The following OTULINL variants were observed in gnomAD, a reference collection of about 807,000 sequenced individuals.
OTULINL encodes the protein inactive ubiquitin thioesterase OTULINL.
A neutral mutation model predicts 43.9 loss-of-function variants in OTULINL; 42 were observed. The ratio of observed to expected loss-of-function variants is 0.96; its 90% CI spans 0.75 to 1.24. The LOEUF is 1.24. Ranked by LOEUF, OTULINL falls within the 50% of genes most tolerant of loss-of-function variation. OTULINL has a pLI of 0.00. For synonymous variants in OTULINL, 172 were observed against 153.6 expected, an observed-to-expected ratio of 1.12 and a Z score of -0.88; for missense variants, 411 against 426.4, an observed-to-expected ratio of 0.96 and a Z score of 0.32.
intron 5 of OTULINL, among the ~76,000 whole-genome samples, chr5:14,602,696 A>C (rs764151907): frequency 3.9e-5 from 6 of 152,072 alleles, no homozygotes; most frequent in Non-Finnish European, 5.9e-5. Context: ...TCCTCCTCCT[A>C]GAGTGCTTGG....
intron 1 of OTULINL, among the ~76,000 whole-genome samples, chr5:14,594,750 C>T (rs371502033): frequency 3.9e-4 from 59 of 152,282 alleles, no homozygotes; most frequent in African/African-American, 1.4e-3. Context: ...GACCTAAAAG[C>T]CATATTCACC....
intron 6 of OTULINL, 97 bp downstream of exon 6, chr5:14,607,555 A>G: frequency 2.0e-6 from 3 of 1,463,784 alleles, no homozygotes; most frequent in Non-Finnish European, 2.8e-6. Flanking sequence ...GCTTCATGTT[A>G]GGAAAGTAAG....
chr5:14,590,545 G>A (rs1759182358), intron 1 of OTULINL, among the ~76,000 whole-genome samples: 1 of 152,190 alleles, frequency 6.6e-6, no homozygotes, highest in Non-Finnish European at 1.5e-5. Context: ...AAAGGTATAT[G>A]AGTCCATGAT....
chr5:14,586,805 G>T (rs1219250063), intron 1 of OTULINL, among the ~76,000 whole-genome samples: 1 of 151,982 alleles, frequency 6.6e-6, no homozygotes, highest in African/African-American at 2.4e-5. Context: ...GTAGTTGGAA[G>T]TCATTCTCAA....
intron 1 of OTULINL, among the ~76,000 whole-genome samples, chr5:14,594,867 C>T (rs1302370011): frequency 6.6e-6 from 1 of 152,004 alleles, no homozygotes; most frequent in Non-Finnish European, 1.5e-5. Flanking sequence ...CCCCATCTTC[C>T]TACCTCTCTT....
rs757463065 is a variant in OTULINL, at chr5:14,607,440, G to A, written c.609G>A (p.Val203=). The change falls in exon 6 of 8, where the codon GTG becomes GTA. Residue 203 remains valine, a synonymous_variant. Transcript: ENST00000274217. ...TGTTTGGAAAACTACGGAAATATGT[G>A]GAATTATTGAAAACACAGGTAAGTG... ...SNVFGKLRKY[V]ELLKTQWTEF... 2 of 1,613,908 alleles carry A rather than the reference G, an allele frequency of 1.2e-6. No individual in the cohort carries two copies. The highest frequency in any genetic ancestry group is 4.5e-5 in the East Asian group (2 of 44,852).
In OTULINL at chr5:14,585,057, C is replaced by T. The variant is rs189243513; in HGVS notation, c.64+3099C>T. Among the ~76,000 whole-genome samples, 5 of 152,168 alleles carry T rather than the reference C, an allele frequency of 3.3e-5. No individual in the cohort carries two copies. The East Asian group carries it at 5.8e-4, about 18-fold the overall frequency. ...GCAAACATTCCCTCCGCATGCACTG[C>T]CAAAAGTGTGCTGAGAATCGTGACC... On this transcript the variant is annotated intron_variant, in intron 1 of 7. Transcript: ENST00000274217.
rs927863479 is a variant in OTULINL at position 14,610,396 on chromosome 5, G to A, written c.*82G>A. ...AAGTCTCTCTCTGAAACCAAAGCTA[G>A]CATTTCAGCATGGAAGGAATTAGGA... On this transcript the variant is annotated 3_prime_UTR_variant, in exon 8 of 8. Coordinates refer to ENST00000274217, the MANE Select transcript of OTULINL (RefSeq NM_019018.3). The A allele has an allele frequency of 4.5e-5, 64 of 1,417,668 alleles. No individual in the cohort carries two copies. The highest frequency in any genetic ancestry group is 5.7e-5 in the Non-Finnish European group (59 of 1,026,246). 87.8% of individuals were successfully genotyped at this position (1,417,668 alleles called of 1,614,324 possible). A position where few individuals can be genotyped will look rare whatever the true frequency, so the allele number is the denominator to read the frequency against.
rs370785814 is a variant in OTULINL at position 14,587,165 on chromosome 5, G to A, written c.64+5207G>A. Among the ~76,000 whole-genome samples the A allele has an allele frequency of 5.3e-5, 8 of 152,274 alleles. No homozygotes were observed. The South Asian group carries it at 6.2e-4, about 12-fold the overall frequency. ...CTTCTTGCCTGGTAATGAGAGAATC[G>A]GTCCCTAGGTCTTAGAATAACACCT... On this transcript the variant is annotated intron_variant, in intron 1 of 7. Coordinates refer to ENST00000274217, the MANE Select transcript of OTULINL (RefSeq NM_019018.3).
rs750090519 is a variant in OTULINL at position 14,609,001 on chromosome 5, C to A, written c.881C>A (p.Thr294Lys). The A allele has an allele frequency of 4.3e-6, 7 of 1,612,418 alleles. No homozygotes were observed. The African/African-American group carries it at 9.4e-5, about 22-fold the overall frequency. The change falls in exon 7 of 8, where the codon ACA becomes AAA. Residue 294 changes from threonine (T) to lysine (K), a missense_variant. Thr to Lys is a moderately conservative substitution (Grantham distance 78, BLOSUM62 -1). Coordinates refer to ENST00000274217, the MANE Select transcript of OTULINL (RefSeq NM_019018.3). ...AATCACCTGAATTCTGTAGGCGACA[C>A]ATGTGGACTAGAGCAGGTAACCGGG... is the stretch of plus-strand genomic sequence containing the variant. ...MMNHLNSVGDTCGLEQIDMFI... is the reference protein window; with the variant it reads ...MMNHLNSVGDKCGLEQIDMFI...
intron 1 of OTULINL, among the ~76,000 whole-genome samples, 172 bp from the exon 2 acceptor site, chr5:14,600,793 T>C (rs556871124): frequency 2.6e-5 from 4 of 151,786 alleles, no homozygotes; most frequent in African/African-American, 9.7e-5. Context: ...AATTAAAAAT[T>C]TCTTTAATTT....
Position 14,614,896 on chromosome 5 carries a change from T to G in OTULINL, c.*4582T>G, listed in dbSNP as rs1388180949. 1 of 397,292 alleles carries G rather than the reference T, an allele frequency of 2.5e-6. No individual in the cohort carries two copies. The allele number at this position is 397,292 out of a possible 1,614,324, so 24.6% of individuals were successfully genotyped here. A position where few individuals can be genotyped will look rare whatever the true frequency, so the allele number is the denominator to read the frequency against. ...TCAGTACCATCAGGTCTTAGATTGT[T>G]AAGTCATTTTGCTGCCACCAGACCA... On this transcript the variant is annotated 3_prime_UTR_variant, in exon 8 of 8. Transcript: ENST00000274217.
In OTULINL at chr5:14,610,367, A is replaced by G; in HGVS notation, c.*53A>G. 1 of 1,571,878 alleles carries G rather than the reference A, an allele frequency of 6.4e-7. No individual in the cohort carries two copies. Among genetic ancestry groups the G allele is most frequent in the South Asian group, 1.1e-5 (1 of 89,500 alleles). ...CACCAGTGACGGTGGTCACAGTTGC[A>G]ATAAAGTCTCTCTCTGAAACCAAAG... On this transcript the variant is annotated 3_prime_UTR_variant, in exon 8 of 8. Coordinates refer to ENST00000274217, the MANE Select transcript of OTULINL (RefSeq NM_019018.3).
Position 14,615,466 on chromosome 5 carries a change from A to AGGACC in OTULINL, c.*5153_*5157dup, listed in dbSNP as rs1322318682. Among the ~76,000 whole-genome samples the AGGACC allele has an allele frequency of 6.6e-6, 1 of 152,216 alleles. No individual in the cohort carries two copies. Among genetic ancestry groups the AGGACC allele is most frequent in the Non-Finnish European group, 1.5e-5 (1 of 68,036 alleles). On this transcript the variant is annotated 3_prime_UTR_variant, in exon 8 of 8. Transcript: ENST00000274217. ...CTGGTACAGACTGATGACGAAGGAG[A>AGGACC]GGACCAGAAAAGCTGCTTGGGTGTG... is the stretch of plus-strand genomic sequence containing the variant.
intron 1 of OTULINL, among the ~76,000 whole-genome samples, chr5:14,582,817 A>T (rs1349135742): frequency 1.2e-5 from 1 of 85,986 alleles, no homozygotes; most frequent in Non-Finnish European, 2.2e-5. Flanking sequence ...CTCTGTCCAA[A>T]AAAAAAAAAA....
rs75267607 is a variant in OTULINL, at chr5:14,615,459, G to A, written c.*5145G>A. Among the ~76,000 whole-genome samples the A allele has an allele frequency of 0.011, 1,661 of 152,280 alleles. 39 individuals are homozygous for A. The highest frequency in any genetic ancestry group is 0.038 in the African/African-American group (1,568 of 41,530). On this transcript the variant is annotated 3_prime_UTR_variant, in exon 8 of 8. Transcript: ENST00000274217. ...GAAGCAGCTGGTACAGACTGATGAC[G>A]AAGGAGAGGACCAGAAAAGCTGCTT...
chr5:14,601,211 A>T lies in OTULINL; in HGVS notation c.225-2A>T. The T allele has an allele frequency of 6.2e-7, 1 of 1,611,742 alleles. No individual in the cohort carries two copies. The highest frequency in any genetic ancestry group is 8.5e-7 in the Non-Finnish European group (1 of 1,179,214). On this transcript the variant is annotated splice_acceptor_variant, in intron 2 of 7. Coordinates refer to ENST00000274217, the MANE Select transcript of OTULINL (RefSeq NM_019018.3). LOFTEE classifies it high-confidence loss of function. ...ATATTATTGTTCCCTTTTATCTTTC[A>T]GGTGGATTGGATATCTGCAGAGAAA...
At chr5:14,587,007 G>A (rs1181036181) in intron 1 of OTULINL, among the ~76,000 whole-genome samples, 1 of 152,192 alleles carries the variant, frequency 6.6e-6, no homozygotes, top group East Asian at 1.9e-4. Flanking sequence ...ATGGAGGTGG[G>A]CAGTGGAGCT....
chr5:14,600,850 G>T, intron 1 of OTULINL, 115 bp from the exon 2 acceptor site: 1 of 918,092 alleles, frequency 1.1e-6, no homozygotes, highest in South Asian at 3.2e-5. Flanking sequence ...GTAAATCAGT[G>T]ATAGATACTT....
Sources: allele counts gnomAD v4.1 joint callset (sites outside exome capture counted in the v4.1 genomes callset), GRCh38; gene constraint gnomAD v4.1.1; transcripts MANE v1.5; gene names NCBI Gene and HGNC (gene_info 2026-07-23, HGNC 2026-07-21).